The following HPSE2 variants were observed in gnomAD, a reference collection of about 807,000 sequenced individuals.
HPSE2 encodes the protein heparanase 2 (inactive).
Under a neutral mutation model 60.5 loss-of-function variants are expected in HPSE2, and 38 were observed. That is an observed-to-expected ratio of 0.63 (90% CI 0.48 to 0.82). HPSE2 has a LOEUF of 0.82. Ranked by LOEUF, HPSE2 falls within the 40% of genes least tolerant of loss-of-function variation. The pLI is 0.00. For missense variants in HPSE2, 713 were observed against 740.4 expected, an observed-to-expected ratio of 0.96 and a Z score of 0.43; for synonymous variants, 295 against 293.2, an observed-to-expected ratio of 1.01 and a Z score of -0.06.
the HPSE2 span, among the ~76,000 whole-genome samples, chr10:99,281,063 A>G: frequency 6.6e-6 from 1 of 152,000 alleles, no homozygotes; most frequent in Non-Finnish European, 1.5e-5. Context: ...AAGGATTAAG[A>G]GTTAGTACGT....
chr10:99,101,356 A>C (rs1441968642), intron 3 of HPSE2, among the ~76,000 whole-genome samples: 2 of 152,244 alleles, frequency 1.3e-5, no homozygotes, highest in Non-Finnish European at 2.9e-5. Flanking sequence ...CTCATAAAAC[A>C]GACTTTAAAC....
chr10:98,543,191 A>T (rs1159663101), intron 9 of HPSE2, among the ~76,000 whole-genome samples: 1 of 152,240 alleles, frequency 6.6e-6, no homozygotes, highest in East Asian at 1.9e-4. Flanking sequence ...CTTAAAGAAA[A>T]GAATTTTCAA....
Position 98,459,762 on chromosome 10 carries a change from G to A in HPSE2, c.1614-23C>T, listed in dbSNP as rs11189618. 794,298 of 1,601,236 alleles carry A rather than the reference G, an allele frequency of 0.5. 198,697 individuals carry two copies. Among genetic ancestry groups the A allele is most frequent in the African/African-American group, 0.62 (46,411 of 74,726 alleles). ...GACCTACAGTGAGGAAAAACAGTAT[G>A]GGACTCATTATTGCATTATAAGGGA... On this transcript the variant is annotated intron_variant, in intron 11 of 11. Coordinates refer to ENST00000370552, the MANE Select transcript of HPSE2 (RefSeq NM_021828.5).
intron 9 of HPSE2, among the ~76,000 whole-genome samples, chr10:98,534,508 G>A (rs537132610): frequency 6.6e-5 from 10 of 152,148 alleles, no homozygotes; most frequent in African/African-American, 2.2e-4. Context: ...GGGATCAAGC[G>A]ATTCTCCAGC....
intron 9 of HPSE2, among the ~76,000 whole-genome samples, chr10:98,538,438 T>G (rs1489889228): frequency 6.6e-6 from 1 of 152,280 alleles, no homozygotes; most frequent in South Asian, 2.1e-4. Context: ...AATGTATTTA[T>G]TGGTATTTTA....
intron 3 of HPSE2, among the ~76,000 whole-genome samples, chr10:98,760,528 A>C (rs1589779814): frequency 6.6e-6 from 1 of 152,076 alleles, no homozygotes; most frequent in Non-Finnish European, 1.5e-5. Context: ...ATTTTATCCA[A>C]TAATTTTTCT....
chr10:99,266,536 C>A, the HPSE2 span, among the ~76,000 whole-genome samples: 3 of 152,074 alleles, frequency 2.0e-5, no homozygotes, highest in African/African-American at 4.8e-5. Flanking sequence ...TAACCCTGCC[C>A]CCACGTGATG....
At chr10:98,474,534 G>A (rs924104250) in intron 11 of HPSE2, among the ~76,000 whole-genome samples, 2 of 152,154 alleles carry the variant, frequency 1.3e-5, no homozygotes, top group Admixed American at 1.3e-4. Context: ...CCTCTCTAAA[G>A]GCATGCAGTT....
intron 7 of HPSE2, among the ~76,000 whole-genome samples, chr10:98,635,216 T>G (rs1212355535): frequency 6.6e-6 from 1 of 152,192 alleles, no homozygotes. Context: ...GAATGACTAC[T>G]ATAAAGAAGA....
intron 2 of HPSE2, among the ~76,000 whole-genome samples, chr10:99,161,233 A>G (rs77745613): frequency 6.6e-6 from 1 of 151,738 alleles, no homozygotes; most frequent in African/African-American, 2.4e-5. Context: ...AAAAAAAAAA[A>G]GGACTTGTAC....
intron 3 of HPSE2, among the ~76,000 whole-genome samples, chr10:98,821,366 C>A (rs1330248882): frequency 6.6e-6 from 1 of 152,128 alleles, no homozygotes; most frequent in Admixed American, 6.6e-5. Flanking sequence ...GTACTAAATA[C>A]TGTAGGTAAT....
At chr10:98,668,054 T>C (rs1032335709) in intron 6 of HPSE2, among the ~76,000 whole-genome samples, 3 of 152,120 alleles carry the variant, frequency 2.0e-5, no homozygotes, top group Non-Finnish European at 4.4e-5. Flanking sequence ...GAACTGATAA[T>C]TGATCTCAGT....
At chr10:98,643,218 G>A (rs1315001584) in intron 6 of HPSE2, among the ~76,000 whole-genome samples, 1 of 152,228 alleles carries the variant, frequency 6.6e-6, no homozygotes, top group East Asian at 1.9e-4. Context: ...TCTTGGGCAA[G>A]TTACGTAGTC....
chr10:98,585,101 G>A (rs185219168), intron 9 of HPSE2, among the ~76,000 whole-genome samples: 201 of 152,182 alleles, frequency 1.3e-3, no homozygotes, highest in African/African-American at 4.6e-3. Context: ...CTGCAGTTTG[G>A]TCTACTGGTG....
At chr10:98,915,003 A>G (rs1954078399) in intron 3 of HPSE2, among the ~76,000 whole-genome samples, 1 of 151,950 alleles carries the variant, frequency 6.6e-6, no homozygotes, top group Non-Finnish European at 1.5e-5. Flanking sequence ...AGTCATATGC[A>G]CTGAAAAAAA....
intron 3 of HPSE2, among the ~76,000 whole-genome samples, chr10:98,800,223 G>C (rs1950873910): frequency 6.6e-6 from 1 of 151,580 alleles, no homozygotes; most frequent in South Asian, 2.1e-4. Flanking sequence ...CAAAATACTA[G>C]CTAGGCATGG....
At chr10:98,836,146 C>G (rs1473556272) in intron 3 of HPSE2, among the ~76,000 whole-genome samples, 1 of 152,182 alleles carries the variant, frequency 6.6e-6, no homozygotes, top group Non-Finnish European at 1.5e-5. Flanking sequence ...GCCTTTCCTA[C>G]AAATAAAGCT....
chr10:98,992,278 T>C (rs764479885), intron 3 of HPSE2, among the ~76,000 whole-genome samples: 22 of 152,228 alleles, frequency 1.4e-4, no homozygotes, highest in Non-Finnish European at 2.8e-4. Context: ...TTAGGACTTG[T>C]CCTATAATTT....
chr10:98,910,561 C>T (rs143278502), intron 3 of HPSE2, among the ~76,000 whole-genome samples: 2 of 152,134 alleles, frequency 1.3e-5, no homozygotes, highest in Non-Finnish European at 2.9e-5. Context: ...TCAGCAGCAG[C>T]ATCTTCCTAA....
Sources: allele counts gnomAD v4.1 joint callset (sites outside exome capture counted in the v4.1 genomes callset), GRCh38; gene constraint gnomAD v4.1.1; transcripts MANE v1.5; gene names NCBI Gene and HGNC (gene_info 2026-07-23, HGNC 2026-07-21).